The following KANSL1L variants were observed in gnomAD, a reference collection of about 807,000 sequenced individuals.
KANSL1L encodes the protein KAT8 regulatory NSL complex subunit 1-like protein.
A neutral mutation model predicts 108.6 loss-of-function variants in KANSL1L; 25 were observed. The ratio of observed to expected loss-of-function variants is 0.23; its 90% CI spans 0.17 to 0.32. The LOEUF (loss-of-function observed/expected upper bound fraction) is 0.32, where lower values mean the gene tolerates loss of function less well. Ranked by LOEUF, KANSL1L falls within the 10% of genes least tolerant of loss-of-function variation. The pLI, the probability that KANSL1L is intolerant of heterozygous loss-of-function variation, is 1.00. For missense variants in KANSL1L, 1,137 were observed against 1,125.7 expected (o/e 1.01, Z -0.14); for synonymous variants, 405 against 395.1 (o/e 1.03, Z -0.30).
At chr2:210,059,826 C>T (rs898260311) in intron 6 of KANSL1L, among the ~76,000 whole-genome samples, 2 of 151,958 alleles carry the variant, frequency 1.3e-5, no homozygotes, top group African/African-American at 4.8e-5. Flanking sequence ...ACTGCAACCT[C>T]CACCTCCCGG....
intron 2 of KANSL1L, among the ~76,000 whole-genome samples, chr2:210,134,500 G>A (rs896147322): frequency 4.6e-5 from 7 of 152,096 alleles, no homozygotes; most frequent in Non-Finnish European, 7.4e-5. Context: ...GTTAATGTGT[G>A]GATTTTGTGG....
chr2:210,040,316 T>A, intron 8 of KANSL1L, 104 bp downstream of exon 8: 1 of 666,368 alleles, frequency 1.5e-6, no homozygotes. Flanking sequence ...TTAAGGATTT[T>A]CATGTATTCT....
chr2:210,122,221 G>A (rs1200446764), intron 3 of KANSL1L, among the ~76,000 whole-genome samples: 1 of 152,070 alleles, frequency 6.6e-6, no homozygotes, highest in South Asian at 2.1e-4. Flanking sequence ...ACCCAGAATA[G>A]CTAAAGCTGT....
intron 3 of KANSL1L, among the ~76,000 whole-genome samples, chr2:210,111,196 T>C (rs1175583980): frequency 6.6e-6 from 1 of 151,008 alleles, no homozygotes; most frequent in Non-Finnish European, 1.5e-5. Flanking sequence ...GATGAATATA[T>C]ATAGCAGCAT....
At chr2:210,088,213 C>T (rs964460174) in intron 5 of KANSL1L, 1 of 152,166 alleles carries the variant, frequency 6.6e-6, no homozygotes, top group Non-Finnish European at 1.5e-5. Context: ...TCAGCTCTTT[C>T]CCATCTTACA....
Position 210,156,217 on chromosome 2 carries a change from G to GA in KANSL1L, c.-29-1607dup, listed in dbSNP as rs558986994. ...AGAGGAATATAGATTAACAAAACAA[G>GA]AGCCTAGTTTTCCAATCACCAAACT... On this transcript the variant is annotated intron_variant, in intron 1 of 14. Coordinates refer to ENST00000281772, the MANE Select transcript of KANSL1L (RefSeq NM_152519.4). Among the ~76,000 whole-genome samples the GA allele has an allele frequency of 5.8e-3, 881 of 152,046 alleles. 4 individuals carry two copies. The highest frequency in any genetic ancestry group is 0.017 in the Middle Eastern group (5 of 294).
In KANSL1L at chr2:210,022,880, G is replaced by GA. The variant is rs1408029729; in HGVS notation, c.*68dup. 8.8e-6 allele frequency: 9 copies of GA among 1,026,692 alleles called. No individual in the cohort carries two copies. Among genetic ancestry groups the GA allele is most frequent in the South Asian group, 6.9e-5 (5 of 72,892 alleles). 63.6% of individuals were successfully genotyped at this position (1,026,692 alleles called of 1,614,324 possible). The stretch of plus-strand genomic sequence containing the variant: ...TGCTCTTATTCTGGAGGGGATGGGG[G>GA]ATCCAGAACAGGGCTTTATTTCCTC... On this transcript the variant is annotated 3_prime_UTR_variant, in exon 15 of 15. Transcript: ENST00000281772.
Position 210,104,098 on chromosome 2 carries a change from C to T in KANSL1L, c.1428+6G>A, listed in dbSNP as rs775119311. Reference sequence around the variant, plus strand: ...CATACCACTGATATCCTTACTTTGACTTTACCTGTTTTTCGATGTTTCGAA... The same window carrying T: ...CATACCACTGATATCCTTACTTTGATTTTACCTGTTTTTCGATGTTTCGAA... On this transcript the variant is annotated splice_donor_region_variant and intron_variant, in intron 4 of 14. Transcript: ENST00000281772. 1.9e-6 allele frequency: 3 copies of T among 1,608,410 alleles called. No individual in the cohort carries two copies. Among genetic ancestry groups the T allele is most frequent in the Non-Finnish European group, 2.6e-6 (3 of 1,174,958 alleles).
intron 1 of KANSL1L, among the ~76,000 whole-genome samples, chr2:210,164,644 A>G (rs2095377477): frequency 6.6e-6 from 1 of 152,118 alleles, no homozygotes; most frequent in African/African-American, 2.4e-5. Context: ...AAAACTGGAA[A>G]AAAGAATTAA....
chr2:210,116,328 CT>C (rs1162347412), intron 3 of KANSL1L, among the ~76,000 whole-genome samples: 1 of 152,194 alleles, frequency 6.6e-6, no homozygotes, highest in Non-Finnish European at 1.5e-5. Flanking sequence ...GGGGAGAAAA[CT>C]TGCCACCCTT....
chr2:210,039,169 ACTTCGTT>A (rs1559506590), intron 8 of KANSL1L, among the ~76,000 whole-genome samples: 1 of 151,920 alleles, frequency 6.6e-6, no homozygotes, highest in African/African-American at 2.4e-5. Context: ...TTCCAGAATA[ACTTCGTT>A]CCAATAATAC....
At chr2:210,081,145 T>C (rs965739823) in intron 5 of KANSL1L, among the ~76,000 whole-genome samples, 4 of 151,944 alleles carry the variant, frequency 2.6e-5, no homozygotes, top group Admixed American at 1.3e-4. Flanking sequence ...CACCTGCTTG[T>C]AACAAGGCCA....
chr2:210,033,695 A>ATTTTT (rs10679778), intron 8 of KANSL1L, among the ~76,000 whole-genome samples: 130 of 132,970 alleles, frequency 9.8e-4, no homozygotes, highest in Non-Finnish European at 1.3e-3. Context: ...ACGCCCGGCT[A>ATTTTT]TTTTTTTTTT....
chr2:210,120,433 T>C (rs775281461), intron 3 of KANSL1L, among the ~76,000 whole-genome samples: 2 of 152,110 alleles, frequency 1.3e-5, no homozygotes, highest in Non-Finnish European at 2.9e-5. Context: ...CTGGGATAAC[T>C]GGCTAGCCAT....
At chr2:210,085,472 T>C (rs1264027384) in intron 5 of KANSL1L, among the ~76,000 whole-genome samples, 1 of 152,158 alleles carries the variant, frequency 6.6e-6, no homozygotes, top group Non-Finnish European at 1.5e-5. Context: ...ACCAATATGA[T>C]AGCCATACTT....
At chr2:210,051,228 A>G (rs2094289315) in intron 6 of KANSL1L, among the ~76,000 whole-genome samples, 1 of 151,934 alleles carries the variant, frequency 6.6e-6, no homozygotes, top group African/African-American at 2.4e-5. Context: ...AGTCCTGTCT[A>G]CCCTCCTTCC....
At chr2:210,121,247 A>G (rs2095017136) in intron 3 of KANSL1L, among the ~76,000 whole-genome samples, 1 of 152,230 alleles carries the variant, frequency 6.6e-6, no homozygotes, top group Middle Eastern at 3.2e-3. Flanking sequence ...AATCAACCCG[A>G]ATGCCCATCA....
At chr2:210,127,798 C>CAAAAAAAAAAAAAAAAAA (rs55979027) in intron 3 of KANSL1L, among the ~76,000 whole-genome samples, 6 of 28,120 alleles carry the variant, frequency 2.1e-4, no homozygotes, top group East Asian at 2.0e-3. Context: ...GACTCTGCCT[C>CAAAAAAAAAAAAAAAAAA]AAAAAAAAAA....
chr2:210,170,410 G>GTGCC (rs1688265242), intron 1 of KANSL1L: 7 of 984,850 alleles, frequency 7.1e-6, no homozygotes, highest in Non-Finnish European at 7.2e-6. Context: ...CGTCCATCCA[G>GTGCC]TGCCTGCCCT....
Sources: gnomAD v4.1 joint callset for allele counts (sites outside exome capture counted in the v4.1 genomes callset) on GRCh38, gnomAD v4.1.1 for gene constraint, MANE v1.5 for transcripts, NCBI Gene and HGNC (gene_info 2026-07-23, HGNC 2026-07-21) for gene names.